PPFIA2: variants seen among roughly 807,000 people sequenced by gnomAD.
The protein encoded by PPFIA2 is liprin-alpha-2.
A neutral mutation model predicts 175.5 loss-of-function variants in PPFIA2; 46 were observed. The ratio of observed to expected loss-of-function variants is 0.26; its 90% CI spans 0.21 to 0.34. The LOEUF (loss-of-function observed/expected upper bound fraction) is 0.34, where lower values mean the gene tolerates loss of function less well. Ranked by LOEUF, PPFIA2 falls within the 10% of genes least tolerant of loss-of-function variation. The pLI, the probability that PPFIA2 is intolerant of heterozygous loss-of-function variation, is 1.00. For missense variants in PPFIA2, 1,179 were observed against 1,506.1 expected (o/e 0.78, Z 3.60); for synonymous variants, 568 against 511.4 (o/e 1.11, Z -1.49).
chr12:81,548,922 T>C (rs1426990655), intron 4 of PPFIA2, among the ~76,000 whole-genome samples: 1 of 152,180 alleles, frequency 6.6e-6, no homozygotes, highest in African/African-American at 2.4e-5. Context: ...AGGTACTTAC[T>C]ATGGAACTAT....
At chr12:81,704,685 T>C (rs1204494188) in intron 3 of PPFIA2, among the ~76,000 whole-genome samples, 1 of 151,968 alleles carries the variant, frequency 6.6e-6, no homozygotes, top group Admixed American at 6.6e-5. Flanking sequence ...CCTTGGGAAG[T>C]TTTAATACCC....
At chr12:81,696,342 C>A (rs1396528622) in intron 3 of PPFIA2, among the ~76,000 whole-genome samples, 2 of 152,086 alleles carry the variant, frequency 1.3e-5, no homozygotes, top group Non-Finnish European at 2.9e-5. Context: ...TAAATCTGGT[C>A]TTGTCAATTC....
chr12:81,312,047 G>T (rs1444116525), intron 22 of PPFIA2: 1 of 956,164 alleles, frequency 1.0e-6, no homozygotes, highest in African/African-American at 1.7e-5. Context: ...TTCATTTCAG[G>T]TCAGAGGCAG....
chr12:81,585,050 TTATA>T (rs1167208396), intron 4 of PPFIA2, among the ~76,000 whole-genome samples: 2 of 118,422 alleles, frequency 1.7e-5, no homozygotes, highest in Non-Finnish European at 3.3e-5. Flanking sequence ...ATATAATATA[TTATA>T]TAATTATATA....
intron 4 of PPFIA2, among the ~76,000 whole-genome samples, chr12:81,574,563 T>C (rs900381735): frequency 6.6e-6 from 1 of 151,888 alleles, no homozygotes; most frequent in African/African-American, 2.4e-5. Context: ...TTGAATGCAA[T>C]AAAAAATTGC....
chr12:81,536,768 A>ATATATATG (rs2065460669), intron 4 of PPFIA2, among the ~76,000 whole-genome samples: 1 of 144,554 alleles, frequency 6.9e-6, no homozygotes, highest in Non-Finnish European at 1.5e-5. Context: ...ATATATATAT[A>ATATATATG]GTTTTGAAGA....
At chr12:81,334,500 A>T (rs577973495) in intron 21 of PPFIA2, among the ~76,000 whole-genome samples, 6 of 151,986 alleles carry the variant, frequency 3.9e-5, no homozygotes, top group African/African-American at 1.2e-4. Flanking sequence ...AAAAAAAAAA[A>T]AAAATAAATC....
chr12:81,568,904 C>A (rs2071914847), intron 4 of PPFIA2, among the ~76,000 whole-genome samples: 2 of 151,732 alleles, frequency 1.3e-5, no homozygotes, highest in African/African-American at 2.4e-5. Flanking sequence ...AAAATGGTAT[C>A]TTTTGTTAAA....
chr12:81,637,236 A>ATTTTTTTT (rs71098156), intron 4 of PPFIA2, among the ~76,000 whole-genome samples: 4 of 65,908 alleles, frequency 6.1e-5, no homozygotes, highest in Non-Finnish European at 1.1e-4. Flanking sequence ...CGCCAGGCTA[A>ATTTTTTTT]TTTTTTTTTT....
chr12:81,651,596 G>T (rs2067030542), intron 4 of PPFIA2, among the ~76,000 whole-genome samples: 1 of 151,980 alleles, frequency 6.6e-6, no homozygotes, highest in South Asian at 2.1e-4. Flanking sequence ...TACTTCAGTG[G>T]TGTTATGACT....
chr12:81,581,466 G>A (rs950409432), intron 4 of PPFIA2, among the ~76,000 whole-genome samples: 22 of 151,572 alleles, frequency 1.5e-4, no homozygotes, highest in African/African-American at 5.3e-4. Flanking sequence ...TTACGCGCAG[G>A]TCCTCTTCTC....
intron 7 of PPFIA2, among the ~76,000 whole-genome samples, chr12:81,433,733 A>C (rs547006783): frequency 1.2e-4 from 19 of 152,250 alleles, no homozygotes; most frequent in African/African-American, 4.6e-4. Context: ...ATGCAATTTG[A>C]CAAACATATA....
chr12:81,446,605 T>C (rs1193866424), intron 5 of PPFIA2, among the ~76,000 whole-genome samples: 1 of 152,176 alleles, frequency 6.6e-6, no homozygotes, highest in Non-Finnish European at 1.5e-5. Context: ...GTGAGCATTA[T>C]AGGAAAGGTC....
At chr12:81,472,301 C>G (rs903808581) in intron 4 of PPFIA2, among the ~76,000 whole-genome samples, 38 of 151,902 alleles carry the variant, frequency 2.5e-4, no homozygotes, top group Admixed American at 2.5e-3. Flanking sequence ...CACAATTTTG[C>G]GAATATACTA....
intron 4 of PPFIA2, among the ~76,000 whole-genome samples, chr12:81,643,213 G>A (rs988141110): frequency 2.0e-5 from 3 of 151,146 alleles, no homozygotes; most frequent in Admixed American, 1.3e-4. Flanking sequence ...AAAGTCAAAG[G>A]GATTATGATT....
intron 4 of PPFIA2, among the ~76,000 whole-genome samples, chr12:81,636,556 C>T (rs528440752): frequency 4.0e-5 from 6 of 150,440 alleles, no homozygotes; most frequent in African/African-American, 4.9e-5. Flanking sequence ...TGAGCCACCG[C>T]GCCCGGCCAA....
At chr12:81,426,074 T>A (rs993835587) in intron 7 of PPFIA2, among the ~76,000 whole-genome samples, 1 of 152,178 alleles carries the variant, frequency 6.6e-6, no homozygotes, top group African/African-American at 2.4e-5. Context: ...GGGACAGTTA[T>A]GCCAGTTTGA....
intron 4 of PPFIA2, among the ~76,000 whole-genome samples, chr12:81,586,906 A>G (rs920244006): frequency 6.6e-6 from 1 of 151,984 alleles, no homozygotes; most frequent in African/African-American, 2.4e-5. Context: ...TACCTTCATC[A>G]TTAAAACAAC....
chr12:81,433,125 C>T (rs10467043), intron 7 of PPFIA2, among the ~76,000 whole-genome samples: 38,431 of 151,810 alleles, frequency 0.25, 6,315 homozygotes, highest in East Asian at 0.51. Flanking sequence ...AATCTGGATC[C>T]CATCAACCTC....
Sources: gnomAD v4.1 joint callset for allele counts (sites outside exome capture counted in the v4.1 genomes callset) on GRCh38, gnomAD v4.1.1 for gene constraint, MANE v1.5 for transcripts, NCBI Gene and HGNC (gene_info 2026-07-23, HGNC 2026-07-21) for gene names.